The following SEMA3A variants were observed in gnomAD, a reference collection of about 807,000 sequenced individuals.
SEMA3A encodes the protein semaphorin 3A.
SEMA3A carries 29 observed loss-of-function variants against 97.9 expected under a neutral mutation model. That is an observed-to-expected ratio of 0.30 (90% confidence interval 0.22 to 0.40). The LOEUF (loss-of-function observed/expected upper bound fraction) is 0.40, where lower values mean the gene tolerates loss of function less well. Among genes scored for constraint, SEMA3A ranks in the 10% least tolerant of loss-of-function variants. SEMA3A has a pLI of 1.00. For synonymous variants in SEMA3A, 321 were observed against 323.7 expected, an observed-to-expected ratio of 0.99 and a Z score of 0.09; for missense variants, 763 against 951.3, an observed-to-expected ratio of 0.80 and a Z score of 2.60.
intron 4 of SEMA3A, among the ~76,000 whole-genome samples, chr7:84,068,232 A>G (rs1355965729): frequency 4.2e-5 from 6 of 144,290 alleles, no homozygotes; most frequent in African/African-American, 1.3e-4. Flanking sequence ...ATGAGATCAC[A>G]TGTACACAGG....
intron 3 of SEMA3A, among the ~76,000 whole-genome samples, chr7:84,212,790 T>C (rs1798662427): frequency 6.6e-6 from 1 of 152,334 alleles, no homozygotes; most frequent in South Asian, 2.1e-4. Flanking sequence ...TTTTCCTTTC[T>C]TTTATGACTT....
intron 1 of SEMA3A, among the ~76,000 whole-genome samples, chr7:84,136,345 A>G (rs1361295789): frequency 6.6e-6 from 1 of 152,166 alleles, no homozygotes; most frequent in Non-Finnish European, 1.5e-5. Flanking sequence ...TTATCATTTT[A>G]TCATCAAAAA....
intron 5 of SEMA3A, among the ~76,000 whole-genome samples, chr7:84,059,241 C>T (rs1302772622): frequency 6.6e-6 from 1 of 152,068 alleles, no homozygotes; most frequent in African/African-American, 2.4e-5. Context: ...TGCTGCCTTC[C>T]TTCAGGTCTT....
At chr7:83,994,106 A>T (rs1304174142) in intron 12 of SEMA3A, among the ~76,000 whole-genome samples, 1 of 150,428 alleles carries the variant, frequency 6.6e-6, no homozygotes. Context: ...AGTTGATTGC[A>T]TCGGCTCCTG....
intron 4 of SEMA3A, among the ~76,000 whole-genome samples, chr7:84,086,486 A>G (rs998124855): frequency 6.9e-5 from 4 of 58,332 alleles, no homozygotes; most frequent in Admixed American, 5.3e-4. Flanking sequence ...ATTATATTAT[A>G]TTTACATATA....
chr7:84,233,531 T>C (rs1361794067), intron 3 of SEMA3A, among the ~76,000 whole-genome samples: 2 of 152,016 alleles, frequency 1.3e-5, no homozygotes, highest in Non-Finnish European at 2.9e-5. Flanking sequence ...TAATGAGAAA[T>C]GAAAATTGTT....
intron 3 of SEMA3A, among the ~76,000 whole-genome samples, chr7:84,114,443 T>C (rs1200548753): frequency 6.6e-6 from 1 of 152,146 alleles, no homozygotes; most frequent in Non-Finnish European, 1.5e-5. Flanking sequence ...TCAGTGAGAA[T>C]TCCTGTAAAA....
chr7:84,487,494 T>A (rs1295611522), intron 1 of SEMA3A, among the ~76,000 whole-genome samples: 1 of 152,156 alleles, frequency 6.6e-6, no homozygotes. Context: ...TCTAGACTGG[T>A]TCCCTGGTAA....
intron 6 of SEMA3A, among the ~76,000 whole-genome samples, chr7:84,025,702 TAAACACA>T (rs1297065467): frequency 6.6e-6 from 1 of 152,142 alleles, no homozygotes; most frequent in Non-Finnish European, 1.5e-5. Context: ...GAATGAAAGA[TAAACACA>T]GAAGGCAAGT....
At chr7:84,064,562 A>G (rs1583903873) in intron 4 of SEMA3A, among the ~76,000 whole-genome samples, 2 of 151,974 alleles carry the variant, frequency 1.3e-5, no homozygotes, top group East Asian at 3.9e-4. Flanking sequence ...TCAAAATAAA[A>G]GGATGGAGGA....
At chr7:84,468,913 C>T (rs866080162) in intron 1 of SEMA3A, among the ~76,000 whole-genome samples, 2 of 151,174 alleles carry the variant, frequency 1.3e-5, no homozygotes, top group Non-Finnish European at 2.9e-5. Context: ...TCAAGTATTG[C>T]TTGTGGTTAT....
At chr7:84,099,065 CTTTTTTTTTCTTTTT>C (rs1361479447) in intron 4 of SEMA3A, among the ~76,000 whole-genome samples, 1 of 92,556 alleles carries the variant, frequency 1.1e-5, no homozygotes, top group Non-Finnish European at 2.3e-5. Flanking sequence ...ATTACATTTT[CTTTTTTTTTCTTTTT>C]TTTTTTTTGA....
intron 1 of SEMA3A, among the ~76,000 whole-genome samples, chr7:84,463,026 T>C (rs899416370): frequency 6.6e-5 from 10 of 152,036 alleles, no homozygotes; most frequent in African/African-American, 2.4e-4. Flanking sequence ...AAATTTCTTC[T>C]CATTACCGTA....
chr7:84,051,683 C>T (rs1325928551), intron 5 of SEMA3A, among the ~76,000 whole-genome samples: 7 of 152,040 alleles, frequency 4.6e-5, no homozygotes, highest in Admixed American at 6.5e-5. Flanking sequence ...TCCTCTTTTC[C>T]TAATTGAATA....
At chr7:84,368,245 CAG>C (rs1802898271) in intron 2 of SEMA3A, among the ~76,000 whole-genome samples, 1 of 151,198 alleles carries the variant, frequency 6.6e-6, no homozygotes, top group Admixed American at 6.6e-5. Context: ...CTTAACAAAA[CAG>C]TGAGCTTCTG....
chr7:84,042,630 CG>C (rs1393078508), intron 6 of SEMA3A, among the ~76,000 whole-genome samples: 1 of 151,994 alleles, frequency 6.6e-6, no homozygotes, highest in Admixed American at 6.6e-5. Flanking sequence ...AATATGTGGT[CG>C]TTTTTCCACA....
chr7:83,989,812 T>G (rs1174119056), intron 12 of SEMA3A, among the ~76,000 whole-genome samples: 2 of 150,280 alleles, frequency 1.3e-5, no homozygotes, highest in African/African-American at 4.9e-5. Flanking sequence ...GCATGATTTA[T>G]AGTCCTTTGG....
rs1466570439 is a variant in SEMA3A at position 84,002,059 on chromosome 7, G to A, written c.1361-13C>T. ...ACGGTCCCAACATCTTTGAAAGAAA[G>A]TGGGGAGAAGACCACAAGTTAAGTA... On this transcript the variant is annotated splice_polypyrimidine_tract_variant and intron_variant, in intron 11 of 16. Transcript: ENST00000265362. 1 of 1,505,260 alleles carries A rather than the reference G, an allele frequency of 6.6e-7. No individual in the cohort carries two copies. Among genetic ancestry groups the A allele is most frequent in the Admixed American group, 1.7e-5 (1 of 58,514 alleles). 93.2% of individuals were successfully genotyped at this position (1,505,260 alleles called of 1,614,324 possible).
chr7:84,129,173 C>T lies in SEMA3A; in HGVS notation c.283G>A (p.Val95Ile). 1.9e-6 allele frequency: 3 copies of T among 1,612,814 alleles called. No individual in the cohort carries two copies. The highest frequency in any genetic ancestry group is 1.7e-6 in the Non-Finnish European group (2 of 1,178,930). ...IKDFQKIVWP[V>I]SYTRRDECKW... ...CATTCATCTCTTCTGGTGTAAGATA[C>T]TGGCCACACAATCTAAGGACAGAGA... Residue 95 changes from valine (V) to isoleucine (I), a missense_variant, in exon 3 of 17, where the codon GTA (valine) becomes ATA (isoleucine). Physicochemically the swap from Val to Ile is conservative, Grantham distance 29. This residue lies in a region of SEMA3A where 678 missense variants were observed against 881.3 expected (regional missense o/e 0.77). Transcript: ENST00000265362.
Sources: gnomAD v4.1 joint callset for allele counts (sites outside exome capture counted in the v4.1 genomes callset) on GRCh38, gnomAD v4.1.1 for gene constraint, gnomAD v4.1.1 regional missense constraint, MANE v1.5 for transcripts, NCBI Gene and HGNC (gene_info 2026-07-23, HGNC 2026-07-21) for gene names.